The following SLC39A8 variants were observed in gnomAD, a reference collection of about 807,000 sequenced individuals.
SLC39A8 encodes the protein metal cation symporter ZIP8.
SLC39A8 carries 15 observed loss-of-function variants against 40.4 expected under a neutral mutation model. That is an observed-to-expected ratio of 0.37 (90% CI 0.25 to 0.57). SLC39A8 has a LOEUF of 0.57. Among genes scored for constraint, SLC39A8 ranks in the 20% least tolerant of loss-of-function variants. The pLI is 0.75. For missense variants in SLC39A8, 472 were observed against 558.8 expected (o/e 0.84, Z 1.57); for synonymous variants, 223 against 221.6 (o/e 1.01, Z -0.06).
chr4:102,333,600 A>G (rs1259306056), intron 2 of SLC39A8, among the ~76,000 whole-genome samples: 1 of 152,184 alleles, frequency 6.6e-6, no homozygotes, highest in Non-Finnish European at 1.5e-5. Context: ...GTTTTGATGG[A>G]GAAAGAGATG....
At chr4:102,284,475 G>A (rs1733064199) in intron 6 of SLC39A8, among the ~76,000 whole-genome samples, 2 of 152,100 alleles carry the variant, frequency 1.3e-5, no homozygotes, top group Non-Finnish European at 2.9e-5. Context: ...CACTTGGCAG[G>A]TGATCACTGA....
At chr4:102,343,876 G>C (rs1268528044) in intron 2 of SLC39A8, among the ~76,000 whole-genome samples, 2 of 152,130 alleles carry the variant, frequency 1.3e-5, no homozygotes, top group Non-Finnish European at 2.9e-5. Context: ...TATAAGCCTA[G>C]TCTACCACCA....
At chr4:102,338,440 C>A (rs946610136) in intron 2 of SLC39A8, among the ~76,000 whole-genome samples, 1 of 152,170 alleles carries the variant, frequency 6.6e-6, no homozygotes, top group Non-Finnish European at 1.5e-5. Context: ...CCCCCCTCAG[C>A]CTCCCAAAGT....
At chr4:102,302,517 G>A (rs1289892340) in intron 6 of SLC39A8, among the ~76,000 whole-genome samples, 3 of 151,724 alleles carry the variant, frequency 2.0e-5, no homozygotes, top group Non-Finnish European at 4.4e-5. Context: ...AATATCCTTG[G>A]GTCAAATTAT....
intron 6 of SLC39A8, among the ~76,000 whole-genome samples, chr4:102,272,436 GAAAA>G (rs34007368): frequency 3.4e-5 from 5 of 147,680 alleles, no homozygotes; most frequent in Admixed American, 2.0e-4. Context: ...CTCCATCTCA[GAAAA>G]AAAAAAGAAA....
chr4:102,289,266 G>A (rs1009340211), intron 6 of SLC39A8, among the ~76,000 whole-genome samples: 3 of 152,114 alleles, frequency 2.0e-5, no homozygotes, highest in Non-Finnish European at 2.9e-5. Flanking sequence ...AATATTTTCA[G>A]TCCACTGTTG....
intron 6 of SLC39A8, among the ~76,000 whole-genome samples, chr4:102,279,578 C>T (rs1250917810): frequency 6.6e-6 from 1 of 152,090 alleles, no homozygotes; most frequent in African/African-American, 2.4e-5. Flanking sequence ...AATGACTCAT[C>T]CAGTCAAGGT....
At chr4:102,338,519 G>A (rs1237826362) in intron 2 of SLC39A8, among the ~76,000 whole-genome samples, 9 of 152,058 alleles carry the variant, frequency 5.9e-5, no homozygotes, top group Non-Finnish European at 1.2e-4. Flanking sequence ...GGTCTCTGAG[G>A]ACAAAGACAA....
At chr4:102,309,207 C>T (rs1411214045) in intron 3 of SLC39A8, among the ~76,000 whole-genome samples, 2 of 151,910 alleles carry the variant, frequency 1.3e-5, no homozygotes, top group Admixed American at 1.3e-4. Flanking sequence ...CAAACCATGG[C>T]TCCTGCCACC....
chr4:102,342,576 C>T (rs1735991842), intron 2 of SLC39A8, among the ~76,000 whole-genome samples: 2 of 152,156 alleles, frequency 1.3e-5, no homozygotes, highest in African/African-American at 4.8e-5. Context: ...CCTTTTCTTT[C>T]CAAGGTAATT....
At position 102,335,367 on chromosome 4, in the gene SLC39A8, G is replaced by A. The variant is rs145936988; in HGVS notation, c.219+9077C>T. On this transcript the variant is annotated intron_variant, in intron 2 of 8. Transcript: ENST00000356736. The stretch of plus-strand genomic sequence containing the variant: ...AACTTTCTGTTTCCCTGTCGCTGAA[G>A]AGATACATCTCTCACTTCTTCCAGT... Among the ~76,000 whole-genome samples, 5 of 152,278 alleles carry A rather than the reference G, an allele frequency of 3.3e-5. No individual in the cohort carries two copies. The East Asian group carries it at 9.7e-4, about 29-fold the overall frequency.
chr4:102,326,838 C>A (rs1339077030), intron 2 of SLC39A8, among the ~76,000 whole-genome samples: 1 of 152,098 alleles, frequency 6.6e-6, no homozygotes, highest in Non-Finnish European at 1.5e-5. Context: ...CTAACCTAAT[C>A]GTATCCAATA....
At chr4:102,310,106 C>T (rs984579737) in intron 3 of SLC39A8, among the ~76,000 whole-genome samples, 5 of 152,024 alleles carry the variant, frequency 3.3e-5, no homozygotes, top group African/African-American at 1.2e-4. Context: ...TATTTACCCC[C>T]TTCTCAACAT....
At chr4:102,332,905 C>G (rs569966954) in intron 2 of SLC39A8, among the ~76,000 whole-genome samples, 98 of 152,286 alleles carry the variant, frequency 6.4e-4, no homozygotes, top group Admixed American at 1.2e-3. Context: ...CCTCAGCAAA[C>G]TAACACAGCA....
intron 2 of SLC39A8, among the ~76,000 whole-genome samples, chr4:102,336,988 T>G (rs1379570785): frequency 6.6e-6 from 1 of 152,196 alleles, no homozygotes; most frequent in Non-Finnish European, 1.5e-5. Context: ...AATTGCATTG[T>G]AAATGACCCT....
intron 8 of SLC39A8, 63 bp downstream of exon 8, chr4:102,267,427 A>G: frequency 6.9e-7 from 1 of 1,450,310 alleles, no homozygotes; most frequent in Non-Finnish European, 9.2e-7. Context: ...TAGTTAACTT[A>G]TAATCCAGAT....
chr4:102,328,598 A>T (rs544189486), intron 2 of SLC39A8, among the ~76,000 whole-genome samples: 1 of 152,358 alleles, frequency 6.6e-6, no homozygotes, highest in South Asian at 2.1e-4. Flanking sequence ...TCATTCATTC[A>T]ACAAATATTT....
At chr4:102,268,817 T>C (rs1223694181) in intron 6 of SLC39A8, among the ~76,000 whole-genome samples, 1 of 152,212 alleles carries the variant, frequency 6.6e-6, no homozygotes, top group East Asian at 1.9e-4. Flanking sequence ...AATCCTGTGA[T>C]GGACTCTTTG....
Position 102,344,517 on chromosome 4 carries a change from T to C in SLC39A8, c.146A>G (p.Gln49Arg), listed in dbSNP as rs985409271. The C allele has an allele frequency of 5.8e-6, 9 of 1,558,414 alleles. No homozygotes were observed. The highest frequency in any genetic ancestry group is 7.8e-6 in the Non-Finnish European group (9 of 1,151,906). The change falls in exon 2 of 9, where the codon CAG (glutamine) becomes CGG (arginine). Residue 49 changes from glutamine (Q) to arginine (R), a missense_variant. Around this residue, in one of 4 missense-constraint regions of SLC39A8, gnomAD observed 175 missense variants for 160.5 expected, o/e 1.09. Coordinates refer to ENST00000356736, the MANE Select transcript of SLC39A8 (RefSeq NM_001135146.2). The part of the protein sequence containing the change: ...ANLSLSAAQL[Q>R]HLLEQMGAAS... ...GGCTCCCATCTGCTCCAGCAAGTGC[T>C]GGAGCTGCGCCGCCGACAGGCTCAG...
Sources: gnomAD v4.1 joint callset for allele counts (sites outside exome capture counted in the v4.1 genomes callset) on GRCh38, gnomAD v4.1.1 for gene constraint, gnomAD v4.1.1 regional missense constraint, MANE v1.5 for transcripts, NCBI Gene and HGNC (gene_info 2026-07-23, HGNC 2026-07-21) for gene names.